The following KCTD8 variants were observed in gnomAD, a reference collection of about 807,000 sequenced individuals.
KCTD8 encodes the protein BTB/POZ domain-containing protein KCTD8.
KCTD8 carries 27 observed loss-of-function variants against 31.5 expected under a neutral mutation model. The ratio of observed to expected loss-of-function variants is 0.86; its 90% CI spans 0.63 to 1.18. The LOEUF (loss-of-function observed/expected upper bound fraction) is 1.18, where lower values mean the gene tolerates loss of function less well. Ranked by LOEUF, KCTD8 falls within the 50% of genes most tolerant of loss-of-function variation. The probability of loss-of-function intolerance (pLI) is 0.00; values close to 1 mark genes in which losing one functional copy is unlikely to be tolerated. For missense variants in KCTD8, 658 were observed against 647.7 expected (o/e 1.02, Z -0.17); for synonymous variants, 290 against 280.0 (o/e 1.04, Z -0.36).
intron 1 of KCTD8, among the ~76,000 whole-genome samples, chr4:44,357,809 A>G (rs1415167880): frequency 6.6e-6 from 1 of 151,936 alleles, no homozygotes. Flanking sequence ...CTCTGGTATC[A>G]TTAAAATAAA....
intron 1 of KCTD8, among the ~76,000 whole-genome samples, chr4:44,201,427 C>A (rs550141384): frequency 2.0e-5 from 3 of 152,050 alleles, no homozygotes; most frequent in Non-Finnish European, 4.4e-5. Context: ...GCTATAATAA[C>A]CAAAACAGCA....
chr4:44,192,372 CT>C (rs1279661885), intron 1 of KCTD8, among the ~76,000 whole-genome samples: 2 of 151,722 alleles, frequency 1.3e-5, no homozygotes, highest in Non-Finnish European at 2.9e-5. Flanking sequence ...ATTATTTAGC[CT>C]ATTATTACTG....
intron 1 of KCTD8, among the ~76,000 whole-genome samples, chr4:44,187,186 GA>G (rs1713614439): frequency 6.6e-6 from 1 of 152,124 alleles, no homozygotes; most frequent in African/African-American, 2.4e-5. Flanking sequence ...ACATAATGTG[GA>G]AAAATAATTT....
In KCTD8 at chr4:44,246,870, T is replaced by C. The variant is rs146157599; in HGVS notation, c.962-71620A>G. On this transcript the variant is annotated intron_variant, in intron 1 of 1. Coordinates refer to ENST00000360029, the MANE Select transcript of KCTD8 (RefSeq NM_198353.3). ...ATCTGGTCTTCCTGAAATCTTCTGCTCTATGTTCTTCTCTTCTTTGCTATT... is the reference window on the plus strand; with the variant it reads ...ATCTGGTCTTCCTGAAATCTTCTGCCCTATGTTCTTCTCTTCTTTGCTATT... Among the ~76,000 whole-genome samples, 287 of 152,158 alleles carry C rather than the reference T, an allele frequency of 1.9e-3. 2 individuals are homozygous for C. Among genetic ancestry groups the C allele is most frequent in the African/African-American group, 6.6e-3 (275 of 41,556 alleles).
At chr4:44,363,852 C>A (rs1013539141) in intron 1 of KCTD8, among the ~76,000 whole-genome samples, 29 of 151,998 alleles carry the variant, frequency 1.9e-4, no homozygotes, top group African/African-American at 6.5e-4. Context: ...GGACAAAAAA[C>A]CATTTGCGGT....
chr4:44,187,809 T>C (rs376064227), intron 1 of KCTD8, among the ~76,000 whole-genome samples: 20 of 152,258 alleles, frequency 1.3e-4, no homozygotes, highest in Admixed American at 3.9e-4. Flanking sequence ...GGTACACTTA[T>C]GAGGGCTGTG....
chr4:44,332,874 C>G lies in KCTD8; in HGVS notation c.961+114689G>C, dbSNP rs546912506. ...ACAGACCAGAGATTCTCAACTCTGA[C>G]TCTGTTGATGTCAGTTGTGACAACC... On this transcript the variant is annotated intron_variant, in intron 1 of 1. Transcript: ENST00000360029. 3.0e-4 allele frequency among the ~76,000 whole-genome samples: 45 copies of G among 152,118 alleles called. No individual in the cohort carries two copies. The Middle Eastern group carries it at 0.014, about 46-fold the overall frequency.
chr4:44,285,920 GA>G (rs924343427), intron 1 of KCTD8, among the ~76,000 whole-genome samples: 4 of 151,750 alleles, frequency 2.6e-5, no homozygotes, highest in Non-Finnish European at 4.4e-5. Flanking sequence ...CATGGGAGAA[GA>G]ACAAAATATT....
chr4:44,175,134 A>G lies in KCTD8; in HGVS notation c.1078T>C (p.Cys360Arg). The G allele has an allele frequency of 6.2e-7, 1 of 1,614,032 alleles. No homozygotes were observed. Among genetic ancestry groups the G allele is most frequent in the South Asian group, 1.1e-5 (1 of 91,080 alleles). Reference protein sequence around the residue: ...TSCNELSTSSCDSHSEASTPQ... With the variant: ...TSCNELSTSSRDSHSEASTPQ... Reference sequence around the variant, plus strand: ...GTGCTTGCCTCTGAATGGCTGTCACAACTGGAAGTGGAGAGCTCATTACAG... The same window carrying G: ...GTGCTTGCCTCTGAATGGCTGTCACGACTGGAAGTGGAGAGCTCATTACAG... The change falls in exon 2 of 2, where the codon TGT (cysteine) becomes CGT (arginine). Residue 360 changes from cysteine to arginine, a missense_variant. By Grantham distance (180) the Cys-to-Arg change is radical. Transcript: ENST00000360029.
In KCTD8 at chr4:44,182,397, G is replaced by C. The variant is rs184402443; in HGVS notation, c.962-7147C>G. ...GAGAAATCAGGTTGTTGCTGTGTCTGTGTAGAAAGAAGTAGACATGGGAGA... is the reference window on the plus strand; with the variant it reads ...GAGAAATCAGGTTGTTGCTGTGTCTCTGTAGAAAGAAGTAGACATGGGAGA... On this transcript the variant is annotated intron_variant, in intron 1 of 1. Transcript: ENST00000360029. Among the ~76,000 whole-genome samples, 236 of 152,384 alleles carry C rather than the reference G, an allele frequency of 1.5e-3. 2 individuals carry two copies. The highest frequency in any genetic ancestry group is 5.5e-3 in the African/African-American group (228 of 41,592).
At chr4:44,198,895 C>T (rs1714031995) in intron 1 of KCTD8, among the ~76,000 whole-genome samples, 1 of 152,152 alleles carries the variant, frequency 6.6e-6, no homozygotes, top group South Asian at 2.1e-4. Flanking sequence ...CCAACAGTCG[C>T]TGTCTTCAAA....
At chr4:44,317,131 T>C (rs551710110) in intron 1 of KCTD8, among the ~76,000 whole-genome samples, 1 of 151,784 alleles carries the variant, frequency 6.6e-6, no homozygotes, top group South Asian at 2.1e-4. Context: ...TGTTTTTTTG[T>C]TGTTTTATGA....
chr4:44,410,893 A>G (rs1436854000), intron 1 of KCTD8, among the ~76,000 whole-genome samples: 1 of 152,100 alleles, frequency 6.6e-6, no homozygotes, highest in Admixed American at 6.6e-5. Flanking sequence ...TGTATATTAT[A>G]ATCTCCTGAG....
intron 1 of KCTD8, among the ~76,000 whole-genome samples, chr4:44,432,508 A>G (rs928727700): frequency 2.0e-5 from 3 of 151,690 alleles, no homozygotes; most frequent in Non-Finnish European, 4.4e-5. Context: ...AGTAGGGAAC[A>G]AATGCTCAAT....
At chr4:44,326,982 G>A (rs1718456899) in intron 1 of KCTD8, among the ~76,000 whole-genome samples, 1 of 151,788 alleles carries the variant, frequency 6.6e-6, no homozygotes, top group East Asian at 1.9e-4. Context: ...TTGGCTCTCA[G>A]TTTGGAAATA....
At chr4:44,443,418 G>C (rs1721860947) in intron 1 of KCTD8, among the ~76,000 whole-genome samples, 1 of 152,126 alleles carries the variant, frequency 6.6e-6, no homozygotes, top group Non-Finnish European at 1.5e-5. Flanking sequence ...TGCTAGCCCA[G>C]GATTGAATAG....
chr4:44,437,897 G>A (rs560118666), intron 1 of KCTD8, among the ~76,000 whole-genome samples: 7 of 152,150 alleles, frequency 4.6e-5, no homozygotes, highest in African/African-American at 1.7e-4. Flanking sequence ...CTCTAAACGA[G>A]AATCACCATT....
intron 1 of KCTD8, among the ~76,000 whole-genome samples, chr4:44,284,103 T>C (rs1004623434): frequency 6.6e-6 from 1 of 152,110 alleles, no homozygotes; most frequent in Non-Finnish European, 1.5e-5. Context: ...CAACTGACTT[T>C]CTTCACAGAA....
intron 1 of KCTD8, among the ~76,000 whole-genome samples, chr4:44,365,491 C>T (rs1466103483): frequency 4.0e-5 from 6 of 151,794 alleles, no homozygotes; most frequent in African/African-American, 1.2e-4. Flanking sequence ...AAAATGAATG[C>T]ATTGAATAGA....
Sources: gnomAD v4.1 joint callset for allele counts (sites outside exome capture counted in the v4.1 genomes callset) on GRCh38, gnomAD v4.1.1 for gene constraint, MANE v1.5 for transcripts, NCBI Gene and HGNC (gene_info 2026-07-23, HGNC 2026-07-21) for gene names.